The following ATRNL1 variants were observed in gnomAD, a reference collection of about 807,000 sequenced individuals.
The protein encoded by ATRNL1 is attractin-like protein 1.
In ATRNL1, 95 loss-of-function variants were observed where a neutral mutation model predicts 182.7. The ratio of observed to expected loss-of-function variants is 0.52; its 90% CI spans 0.44 to 0.62. The LOEUF is 0.62. Among genes scored for constraint, ATRNL1 ranks in the 20% least tolerant of loss-of-function variants. The pLI is 0.00. For synonymous variants in ATRNL1, 576 were observed against 568.3 expected (o/e 1.01, Z -0.19); for missense variants, 1,471 against 1,679.5 (o/e 0.88, Z 2.17).
At chr10:115,891,830 A>G (rs1236228309) in intron 28 of ATRNL1, among the ~76,000 whole-genome samples, 5 of 152,294 alleles carry the variant, frequency 3.3e-5, no homozygotes, top group African/African-American at 1.2e-4. Flanking sequence ...TTCCTTAATA[A>G]GACTGATTTT....
rs112822479 is a variant in ATRNL1 at position 115,420,181 on chromosome 10, T to C, written c.3270-6069T>C. Among the ~76,000 whole-genome samples, 796 of 151,964 alleles carry C rather than the reference T, an allele frequency of 5.2e-3. 7 individuals are homozygous for C. Among genetic ancestry groups the C allele is most frequent in the African/African-American group, 0.017 (708 of 41,452 alleles). On this transcript the variant is annotated intron_variant, in intron 20 of 28. Coordinates refer to ENST00000355044, the MANE Select transcript of ATRNL1 (RefSeq NM_207303.4). Reference sequence around the variant, plus strand: ...GCCTTGGCTTCCTGAGTTGCTGTGATTACAGGTGCCTGCCACCATGCCTGG... The same window carrying C: ...GCCTTGGCTTCCTGAGTTGCTGTGACTACAGGTGCCTGCCACCATGCCTGG...
chr10:115,215,187 T>C (rs1290980692), intron 8 of ATRNL1, among the ~76,000 whole-genome samples: 3 of 152,176 alleles, frequency 2.0e-5, no homozygotes, highest in Non-Finnish European at 2.9e-5. Flanking sequence ...ATTTTATTGT[T>C]TAGGTTTTCA....
intron 9 of ATRNL1, among the ~76,000 whole-genome samples, chr10:115,229,740 A>G (rs1478136409): frequency 1.3e-5 from 2 of 152,130 alleles, no homozygotes; most frequent in African/African-American, 2.4e-5. Flanking sequence ...AAAATCCCAT[A>G]TTGATAATTT....
chr10:115,498,690 A>G (rs1310862844), intron 24 of ATRNL1, among the ~76,000 whole-genome samples: 1 of 151,776 alleles, frequency 6.6e-6, no homozygotes, highest in African/African-American at 2.4e-5. Context: ...CAAAATATAA[A>G]TATGGATATC....
intron 27 of ATRNL1, among the ~76,000 whole-genome samples, chr10:115,794,048 T>G (rs1304184465): frequency 6.6e-6 from 1 of 152,170 alleles, no homozygotes; most frequent in Non-Finnish European, 1.5e-5. Flanking sequence ...TCTCAGCCAG[T>G]GTTGAACAAG....
intron 27 of ATRNL1, among the ~76,000 whole-genome samples, chr10:115,839,855 T>A (rs879955406): frequency 6.6e-6 from 1 of 152,204 alleles, no homozygotes; most frequent in African/African-American, 2.4e-5. Context: ...ATTCTTATGG[T>A]GGCCTTCTAC....
In ATRNL1 at chr10:115,315,712, G is replaced by A. The variant is rs1554929436; in HGVS notation, c.3013G>A (p.Glu1005Lys). 1.2e-6 allele frequency: 2 copies of A among 1,613,248 alleles called. No individual in the cohort carries two copies. The highest frequency in any genetic ancestry group is 3.3e-5 in the Admixed American group (2 of 59,970). Residue 1005 changes from glutamate (E) to lysine (K), a missense_variant, in exon 18 of 29, where the codon GAG (glutamate) becomes AAG (lysine). This residue lies in a region of ATRNL1 where 437 missense variants were observed against 506.0 expected (regional missense o/e 0.86). Transcript: ENST00000355044. ...TNLCPKEKNY[E>K]WSFIQCPACQ... The stretch of plus-strand genomic sequence containing the variant: ...TCTTTGCCCCAAAGAAAAGAACTAT[G>A]AGTGGTCCTTTATCCAGTGTCCAGG...
rs1474759152 is a variant in ATRNL1, at chr10:115,093,477, G to A, written c.-274G>A. On this transcript the variant is annotated 5_prime_UTR_variant, in exon 1 of 29. Coordinates refer to ENST00000355044, the MANE Select transcript of ATRNL1 (RefSeq NM_207303.4). The surrounding 1 kb of genome is among the most constrained non-coding windows in gnomAD (Gnocchi z 6.1). Reference sequence around the variant, plus strand: ...TCTGCGCCTCCCGCTCCCCGCCTCCGGCCGGGTCCGGGACGCCGCGGCTGT... The same window carrying A: ...TCTGCGCCTCCCGCTCCCCGCCTCCAGCCGGGTCCGGGACGCCGCGGCTGT... 6.6e-6 allele frequency: 4 copies of A among 603,952 alleles called. No homozygotes were observed. The highest frequency in any genetic ancestry group is 9.0e-6 in the Non-Finnish European group (3 of 331,702). The allele number at this position is 603,952 out of a possible 1,614,324, so 37.4% of individuals were successfully genotyped here. A position where few individuals can be genotyped will look rare whatever the true frequency, so the allele number is the denominator to read the frequency against.
intron 27 of ATRNL1, among the ~76,000 whole-genome samples, chr10:115,775,168 A>G (rs1380317937): frequency 6.6e-6 from 1 of 152,210 alleles, no homozygotes; most frequent in African/African-American, 2.4e-5. Flanking sequence ...TACTTCTGAA[A>G]TGTTTACCCC....
At chr10:115,699,893 T>C (rs1555050962) in intron 26 of ATRNL1, among the ~76,000 whole-genome samples, 1 of 152,146 alleles carries the variant, frequency 6.6e-6, no homozygotes, top group African/African-American at 2.4e-5. Context: ...ATTATGTCCA[T>C]GAGTGCTCAG....
At chr10:115,201,905 A>C (rs12259253) in intron 8 of ATRNL1, among the ~76,000 whole-genome samples, 1,986 of 151,944 alleles carry the variant, frequency 0.013, 38 homozygotes, top group African/African-American at 0.045. Flanking sequence ...CTTTTATTTC[A>C]TTGAGCAGTG....
intron 26 of ATRNL1, among the ~76,000 whole-genome samples, chr10:115,669,311 A>G (rs1217625876): frequency 6.6e-6 from 1 of 152,146 alleles, no homozygotes; most frequent in African/African-American, 2.4e-5. Context: ...TAAATGGGAT[A>G]TAGCAGATAC....
At chr10:115,853,189 G>A (rs1951097410) in intron 28 of ATRNL1, among the ~76,000 whole-genome samples, 1 of 152,116 alleles carries the variant, frequency 6.6e-6, no homozygotes, top group Non-Finnish European at 1.5e-5. Flanking sequence ...CTTCTGAGTG[G>A]TACCTTGATT....
chr10:115,148,511 T>A (rs1265153300), intron 5 of ATRNL1, among the ~76,000 whole-genome samples: 1 of 152,160 alleles, frequency 6.6e-6, no homozygotes, highest in Non-Finnish European at 1.5e-5. Flanking sequence ...ATCTTTGTCT[T>A]CCTCCAGTTC....
At chr10:115,488,330 G>A (rs1455811862) in intron 24 of ATRNL1, among the ~76,000 whole-genome samples, 2 of 152,096 alleles carry the variant, frequency 1.3e-5, no homozygotes, top group African/African-American at 4.8e-5. Context: ...GGTAGAATTC[G>A]GCTGTGAATC....
intron 8 of ATRNL1, among the ~76,000 whole-genome samples, chr10:115,195,355 G>A (rs1554890787): frequency 6.6e-6 from 1 of 152,040 alleles, no homozygotes; most frequent in African/African-American, 2.4e-5. Flanking sequence ...ATGTTTGAAG[G>A]ATAATTTTGC....
At chr10:115,171,712 A>G (rs980151328) in intron 8 of ATRNL1, among the ~76,000 whole-genome samples, 40 of 151,946 alleles carry the variant, frequency 2.6e-4, no homozygotes, top group African/African-American at 9.7e-4. Flanking sequence ...TGTATGTATT[A>G]CTTCTTTAAA....
chr10:115,449,930 T>G (rs1179043814), intron 21 of ATRNL1, among the ~76,000 whole-genome samples: 2 of 151,970 alleles, frequency 1.3e-5, no homozygotes, highest in African/African-American at 4.8e-5. Context: ...CAGCAGCACA[T>G]CAAAAAGCTA....
At chr10:115,207,892 C>T (rs1393887921) in intron 8 of ATRNL1, among the ~76,000 whole-genome samples, 1 of 151,974 alleles carries the variant, frequency 6.6e-6, no homozygotes, top group East Asian at 1.9e-4. Flanking sequence ...CATGGAATTA[C>T]AGATTTTGTT....
Sources: allele counts gnomAD v4.1 joint callset (sites outside exome capture counted in the v4.1 genomes callset), GRCh38; gene constraint gnomAD v4.1.1; regional missense constraint gnomAD v4.1.1; non-coding constraint Gnocchi (gnomAD v3.1); transcripts MANE v1.5; gene names NCBI Gene and HGNC (gene_info 2026-07-23, HGNC 2026-07-21).